ST8SIA5: variants seen among roughly 807,000 people sequenced by gnomAD.
ST8SIA5 encodes alpha-2,8-sialyltransferase 8E.
Under a neutral mutation model 40.2 loss-of-function variants are expected in ST8SIA5, and 24 were observed. The ratio of observed to expected loss-of-function variants is 0.60; its 90% CI spans 0.43 to 0.84. The LOEUF is 0.84. Ranked by LOEUF, ST8SIA5 falls within the 40% of genes least tolerant of loss-of-function variation. The probability of loss-of-function intolerance (pLI) is 0.00; values close to 1 mark genes in which losing one functional copy is unlikely to be tolerated. For synonymous variants in ST8SIA5, 198 were observed against 201.8 expected, an observed-to-expected ratio of 0.98 and a Z score of 0.16; for missense variants, 465 against 498.5, an observed-to-expected ratio of 0.93 and a Z score of 0.64.
At position 46,680,472 on chromosome 18, in the gene ST8SIA5, C is replaced by T. The variant is rs779838597; in HGVS notation, c.701G>A (p.Arg234His). The stretch of plus-strand genomic sequence containing the variant: ...CGCGTTCTCGTACACCTGCAGCACG[C>T]GATAGAACGGCCGCCGCCACTTCTC... ...KLEKWRRPFY[R>H]VLQVYENASV... Residue 234 changes from arginine to histidine, a missense_variant, in exon 7 of 7, where the codon CGC (arginine) becomes CAC (histidine). Coordinates refer to ENST00000315087, the MANE Select transcript of ST8SIA5 (RefSeq NM_013305.6). The T allele has an allele frequency of 4.4e-6, 7 of 1,598,846 alleles. No homozygotes were observed. The South Asian group carries it at 5.6e-5, about 13-fold the overall frequency.
chr18:46,714,640 C>T (rs771192255), intron 1 of ST8SIA5, among the ~76,000 whole-genome samples: 5 of 152,044 alleles, frequency 3.3e-5, no homozygotes, highest in Non-Finnish European at 5.9e-5. Flanking sequence ...GCGTCTGGGG[C>T]GAACCTAGGC....
intron 1 of ST8SIA5, among the ~76,000 whole-genome samples, chr18:46,725,022 AG>A (rs2039901459): frequency 6.7e-6 from 1 of 150,038 alleles, no homozygotes; most frequent in African/African-American, 2.5e-5. Context: ...GAAGGAAGGA[AG>A]GAAGGAAGGA....
chr18:46,748,727 C>T (rs201757884), intron 1 of ST8SIA5, among the ~76,000 whole-genome samples: 1 of 65,800 alleles, frequency 1.5e-5, no homozygotes, highest in Non-Finnish European at 4.0e-5. Context: ...TGGCTATAAT[C>T]CAAAAAAAAA....
chr18:46,713,415 G>A (rs987700615), intron 1 of ST8SIA5, among the ~76,000 whole-genome samples: 1 of 152,202 alleles, frequency 6.6e-6, no homozygotes, highest in Non-Finnish European at 1.5e-5. Flanking sequence ...GACATCTAGA[G>A]GAGATCACAG....
chr18:46,716,686 G>C (rs1445249863), intron 1 of ST8SIA5, among the ~76,000 whole-genome samples: 1 of 152,240 alleles, frequency 6.6e-6, no homozygotes, highest in Non-Finnish European at 1.5e-5. Context: ...CGCACAGGTG[G>C]TCTAGCCCAG....
intron 1 of ST8SIA5, among the ~76,000 whole-genome samples, chr18:46,749,793 T>G: frequency 6.6e-6 from 1 of 152,176 alleles, no homozygotes. Flanking sequence ...ATTCCTATGT[T>G]GAAATCGAAT....
intron 1 of ST8SIA5, among the ~76,000 whole-genome samples, chr18:46,722,376 C>T (rs888125510): frequency 4.6e-5 from 7 of 152,284 alleles, no homozygotes; most frequent in African/African-American, 1.4e-4. Context: ...AGGAGTTCTG[C>T]GCTCTTTTCT....
intron 1 of ST8SIA5, among the ~76,000 whole-genome samples, chr18:46,723,923 T>A (rs563494437): frequency 3.1e-4 from 46 of 149,150 alleles, no homozygotes; most frequent in Admixed American, 8.0e-4. Flanking sequence ...CAAAACTCCA[T>A]CTAAAAAAAA....
At chr18:46,732,013 T>C (rs138563710) in intron 1 of ST8SIA5, among the ~76,000 whole-genome samples, 112 of 152,190 alleles carry the variant, frequency 7.4e-4, no homozygotes, top group African/African-American at 2.6e-3. Flanking sequence ...GCTGCCCAAG[T>C]TGTGGGAAGA....
At chr18:46,722,201 G>A (rs1354294245) in intron 1 of ST8SIA5, among the ~76,000 whole-genome samples, 1 of 152,152 alleles carries the variant, frequency 6.6e-6, no homozygotes. Context: ...ATGGAGCTAA[G>A]AGCAGCATTG....
chr18:46,747,816 C>G (rs2040155346), intron 1 of ST8SIA5, among the ~76,000 whole-genome samples: 1 of 152,160 alleles, frequency 6.6e-6, no homozygotes, highest in African/African-American at 2.4e-5. Flanking sequence ...GACTTGGAAC[C>G]AACCCAAATG....
At chr18:46,704,305 T>C (rs1448399674) in intron 2 of ST8SIA5, among the ~76,000 whole-genome samples, 1 of 152,156 alleles carries the variant, frequency 6.6e-6, no homozygotes, top group Admixed American at 6.5e-5. Flanking sequence ...AGACCAGTAA[T>C]TGAGGCGGGG....
chr18:46,704,631 A>C lies in ST8SIA5; in HGVS notation c.165T>G (p.Tyr55Ter). The change falls in exon 2 of 7, where the codon TAT becomes TAG. Residue 55 changes from tyrosine to a stop codon, truncating the protein, a stop_gained. Transcript: ENST00000315087. LOFTEE classifies it high-confidence loss of function. The part of the protein sequence containing the change: ...YFEFYEGPFE[Y>*]NSTRCLELRH... ...TCAGCTCCAGGCATCTTGTGGAGTTATATTCAAAAGGCCCCTCATAAAATT... is the reference window on the plus strand; with the variant it reads ...TCAGCTCCAGGCATCTTGTGGAGTTCTATTCAAAAGGCCCCTCATAAAATT... 6.2e-7 allele frequency: 1 copy of C among 1,614,066 alleles called. No homozygotes were observed. Among genetic ancestry groups the C allele is most frequent in the Non-Finnish European group, 8.5e-7 (1 of 1,180,010 alleles).
chr18:46,683,049 A>G (rs1174261764), intron 5 of ST8SIA5, among the ~76,000 whole-genome samples: 1 of 152,196 alleles, frequency 6.6e-6, no homozygotes, highest in African/African-American at 2.4e-5. Context: ...TATAGCAGCA[A>G]TAGGAAACGA....
intron 1 of ST8SIA5, among the ~76,000 whole-genome samples, chr18:46,741,262 A>C (rs1031968910): frequency 6.6e-6 from 1 of 152,200 alleles, no homozygotes; most frequent in African/African-American, 2.4e-5. Context: ...GATTTCTTTT[A>C]ATTTCTAGAA....
At position 46,672,038 on chromosome 18, in the gene ST8SIA5, T is replaced by C. The variant is rs1190172627; in HGVS notation, c.*8004A>G. On this transcript the variant is annotated 3_prime_UTR_variant, in exon 7 of 7. Transcript: ENST00000315087. Reference sequence around the variant, plus strand: ...AATCAAGGAGCTCTCCAAGAGATTCTGAGGCAGCCTCCAGTTTGAGAACTG... The same window carrying C: ...AATCAAGGAGCTCTCCAAGAGATTCCGAGGCAGCCTCCAGTTTGAGAACTG... 1 of 152,228 alleles carries C rather than the reference T, an allele frequency of 6.6e-6. No homozygotes were observed. The highest frequency in any genetic ancestry group is 1.5e-5 in the Non-Finnish European group (1 of 68,042). The allele number at this position is 152,228 out of a possible 1,614,324, so 9.4% of individuals were successfully genotyped here. A position where few individuals can be genotyped will look rare whatever the true frequency, so the allele number is the denominator to read the frequency against.
In ST8SIA5 at chr18:46,686,254, C is replaced by T; in HGVS notation, c.489G>A (p.Lys163=). The change falls in exon 5 of 7, where the codon AAG becomes AAA. Residue 163 remains lysine (K), a synonymous_variant. Coordinates refer to ENST00000315087, the MANE Select transcript of ST8SIA5 (RefSeq NM_013305.6). ...DMPYYRSQFK[K]CAVVGNGGIL... is the part of the protein sequence containing the mutation. ...TGCCTCCGTTGCCCACTACAGCACA[C>T]TTCTTAAACTGGGACCGGTAGTAGG... 6 of 1,614,152 alleles carry T rather than the reference C, an allele frequency of 3.7e-6. No homozygotes were observed. The highest frequency in any genetic ancestry group is 5.1e-6 in the Non-Finnish European group (6 of 1,180,022).
chr18:46,756,215 T>C (rs575675107), intron 1 of ST8SIA5, among the ~76,000 whole-genome samples, 163 bp downstream of exon 1: 207 of 152,296 alleles, frequency 1.4e-3, no homozygotes, highest in Middle Eastern at 3.4e-3. Flanking sequence ...AGGATGCTCT[T>C]GGAAACGCGG....
At chr18:46,742,307 A>G (rs998652625) in intron 1 of ST8SIA5, among the ~76,000 whole-genome samples, 2 of 152,120 alleles carry the variant, frequency 1.3e-5, no homozygotes, top group African/African-American at 4.8e-5. Context: ...TGGGTCAAAG[A>G]TCTCAATGTC....
Sources: gnomAD v4.1 joint callset for allele counts (sites outside exome capture counted in the v4.1 genomes callset) on GRCh38, gnomAD v4.1.1 for gene constraint, MANE v1.5 for transcripts, NCBI Gene and HGNC (gene_info 2026-07-23, HGNC 2026-07-21) for gene names.